The following AHI1 variants were observed in gnomAD, a reference collection of about 807,000 sequenced individuals.
AHI1 encodes Abelson helper integration site 1, also known as jouberin.
In AHI1, 123 loss-of-function variants were observed where a neutral mutation model predicts 149.3. That is an observed-to-expected ratio of 0.82 (90% CI 0.71 to 0.96). AHI1 has a LOEUF of 0.96. Among genes scored for constraint, AHI1 ranks in the 40% least tolerant of loss-of-function variants. The pLI is 0.00. For missense variants in AHI1, 1,439 were observed against 1,422.7 expected (o/e 1.01, Z -0.18); for synonymous variants, 475 against 459.8 (o/e 1.03, Z -0.42).
Position 135,447,012 on chromosome 6 carries a change from C to G in AHI1, c.1775G>C (p.Gly592Ala), listed in dbSNP as rs1205989030. 4 of 1,609,076 alleles carry G rather than the reference C, an allele frequency of 2.5e-6. No individual in the cohort carries two copies. The highest frequency in any genetic ancestry group is 3.4e-6 in the Non-Finnish European group (4 of 1,177,908). ...KEVIKWKRLPGQACRIPNKHL... is the reference protein window; with the variant it reads ...KEVIKWKRLPAQACRIPNKHL... Reference sequence around the variant, plus strand: ...CACTATTATCAAACACTTCACCTGCCCAGGGAGTCGTTTCCACTTTATTAC... The same window carrying G: ...CACTATTATCAAACACTTCACCTGCGCAGGGAGTCGTTTCCACTTTATTAC... Residue 592 changes from glycine to alanine, a missense_variant, in exon 13 of 29, where the codon GGG (glycine) becomes GCG (alanine). Physicochemically the swap from Gly to Ala is moderately conservative, Grantham distance 60. Coordinates refer to ENST00000265602, the MANE Select transcript of AHI1 (RefSeq NM_001134831.2).
chr6:135,324,993 G>A (rs550616988), intron 24 of AHI1, among the ~76,000 whole-genome samples: 8 of 151,750 alleles, frequency 5.3e-5, no homozygotes, highest in South Asian at 2.1e-4. Flanking sequence ...TACAACATGC[G>A]ATGCAGGGTG....
chr6:135,380,177 C>T (rs549044519), intron 23 of AHI1, among the ~76,000 whole-genome samples: 3 of 151,866 alleles, frequency 2.0e-5, no homozygotes, highest in South Asian at 2.1e-4. Flanking sequence ...CCTGCTTTGT[C>T]GTTATAATGT....
chr6:135,300,937 A>C (rs1783799996), intron 26 of AHI1: 1 of 991,796 alleles, frequency 1.0e-6, no homozygotes. Flanking sequence ...TATTCTTTAT[A>C]GTATACTCTA....
chr6:135,303,051 C>A (rs186229750), intron 26 of AHI1, among the ~76,000 whole-genome samples: 1 of 152,140 alleles, frequency 6.6e-6, no homozygotes, highest in Non-Finnish European at 1.5e-5. Context: ...TAGAGACTTG[C>A]GCTTTCCAAA....
intron 10 of AHI1, among the ~76,000 whole-genome samples, chr6:135,455,201 A>G (rs1206887362): frequency 1.3e-5 from 2 of 152,178 alleles, no homozygotes; most frequent in Non-Finnish European, 2.9e-5. Context: ...AAATTATATA[A>G]TAACAACTAG....
chr6:135,343,361 C>T (rs1790666285), intron 24 of AHI1, among the ~76,000 whole-genome samples: 1 of 151,660 alleles, frequency 6.6e-6, no homozygotes, highest in Non-Finnish European at 1.5e-5. Context: ...AATGCAATTC[C>T]CATAAAAAAT....
chr6:135,420,006 A>C (rs577135340), intron 20 of AHI1, among the ~76,000 whole-genome samples: 1 of 152,162 alleles, frequency 6.6e-6, no homozygotes, highest in Non-Finnish European at 1.5e-5. Flanking sequence ...ATCCATAAAA[A>C]ACAACTCATC....
chr6:135,411,492 T>C lies in AHI1; in HGVS notation c.2817A>G (p.Leu939=). 6.2e-7 allele frequency: 1 copy of C among 1,611,640 alleles called. No individual in the cohort carries two copies. Among genetic ancestry groups the C allele is most frequent in the African/African-American group, 1.3e-5 (1 of 74,948 alleles). The change falls in exon 21 of 29, where the codon TTA becomes TTG. Residue 939 remains leucine, a synonymous_variant. Transcript: ENST00000265602. ...MFKRYNGTFP[L]PGIHQSQDAL... is the part of the protein sequence containing the mutation. ...CATCTTGACTTTGGTGTATTCCAGG[T>C]AATGGAAATGTTCCATTGTAGCGTT...
intron 5 of AHI1, among the ~76,000 whole-genome samples, chr6:135,471,106 TGAAA>T (rs1168235371): frequency 6.6e-6 from 1 of 152,060 alleles, no homozygotes; most frequent in African/African-American, 2.4e-5. Flanking sequence ...AGGATACTCC[TGAAA>T]GAAATAATTA....
intron 5 of AHI1, among the ~76,000 whole-genome samples, chr6:135,478,540 T>TA (rs1034595324): frequency 1.3e-5 from 2 of 152,106 alleles, no homozygotes; most frequent in African/African-American, 4.8e-5. Context: ...TAGTTGCTGC[T>TA]AAAAAACTAT....
rs1786322939 is a variant in AHI1 at position 135,318,551 on chromosome 6, T to C, written c.3394A>G (p.Thr1132Ala). 1.2e-6 allele frequency: 2 copies of C among 1,601,044 alleles called. No homozygotes were observed. The highest frequency in any genetic ancestry group is 2.3e-5 in the South Asian group (2 of 88,074). ...RSPPLSPEEK[T>A]KIEKSPAPQK... ...GGAGCTGGAGATTTTTCTATTTTAG[T>C]TTTTTCCTCAGGGCTTAAAGGAGGG... is the stretch of plus-strand genomic sequence containing the variant. Residue 1132 changes from threonine (T) to alanine (A), a missense_variant, in exon 26 of 29, where the codon ACT (threonine) becomes GCT (alanine). Coordinates refer to ENST00000265602, the MANE Select transcript of AHI1 (RefSeq NM_001134831.2).
In AHI1 at chr6:135,291,099, G is replaced by A. The variant is rs118047537; in HGVS notation, c.3486-574C>T. The stretch of plus-strand genomic sequence containing the variant: ...AAACAAATGTTTTGTGGATGAGTGT[G>A]TAGTAATGCACTTTATATTAGGAGA... On this transcript the variant is annotated intron_variant, in intron 27 of 28. Coordinates refer to ENST00000265602, the MANE Select transcript of AHI1 (RefSeq NM_001134831.2). Among the ~76,000 whole-genome samples the A allele has an allele frequency of 6.6e-5, 10 of 152,106 alleles. No individual in the cohort carries two copies. In the East Asian group the frequency reaches 1.9e-3, roughly 29 times the overall value.
chr6:135,421,565 G>C (rs1175713851), intron 20 of AHI1, among the ~76,000 whole-genome samples: 2 of 152,010 alleles, frequency 1.3e-5, no homozygotes, highest in Non-Finnish European at 2.9e-5. Flanking sequence ...GTAGTATTTT[G>C]TCTAGAATGC....
chr6:135,324,631 G>A (rs1787376419), intron 24 of AHI1, among the ~76,000 whole-genome samples: 1 of 151,658 alleles, frequency 6.6e-6, no homozygotes, highest in African/African-American at 2.4e-5. Context: ...AAACCTAAGA[G>A]TCCCATGTGG....
At chr6:135,307,666 TTTAA>T (rs1784672542) in intron 26 of AHI1, among the ~76,000 whole-genome samples, 1 of 151,556 alleles carries the variant, frequency 6.6e-6, no homozygotes, top group Non-Finnish European at 1.5e-5. Flanking sequence ...TGTTTTTTCC[TTTAA>T]TTACAATATT....
intron 24 of AHI1, among the ~76,000 whole-genome samples, chr6:135,330,897 G>A (rs1788487063): frequency 6.6e-6 from 1 of 152,110 alleles, no homozygotes; most frequent in African/African-American, 2.4e-5. Flanking sequence ...TTTGGCAGTG[G>A]ATTGTGAGTA....
intron 22 of AHI1, among the ~76,000 whole-genome samples, chr6:135,398,446 A>G (rs1427633739): frequency 6.6e-6 from 1 of 152,170 alleles, no homozygotes; most frequent in Non-Finnish European, 1.5e-5. Context: ...TTACTACTAC[A>G]TTAGCTAAAA....
At chr6:135,366,998 G>T (rs1461732148) in intron 23 of AHI1, among the ~76,000 whole-genome samples, 3 of 152,142 alleles carry the variant, frequency 2.0e-5, no homozygotes, top group Non-Finnish European at 4.4e-5. Flanking sequence ...CCAGTTCAAA[G>T]AATTTTTAAA....
intron 5 of AHI1, among the ~76,000 whole-genome samples, chr6:135,473,068 T>C (rs1202145375): frequency 1.3e-5 from 2 of 152,208 alleles, no homozygotes; most frequent in Non-Finnish European, 2.9e-5. Flanking sequence ...TTATCCTATG[T>C]TTCTCTTATA....
Sources: allele counts gnomAD v4.1 joint callset (sites outside exome capture counted in the v4.1 genomes callset), GRCh38; gene constraint gnomAD v4.1.1; transcripts MANE v1.5; gene names NCBI Gene and HGNC (gene_info 2026-07-23, HGNC 2026-07-21).